Variants in SLC5A2 observed in about 807,000 individuals in gnomAD.
SLC5A2 encodes sodium/glucose cotransporter 2.
SLC5A2 carries 67 observed loss-of-function variants against 69.0 expected under a neutral mutation model. The ratio of observed to expected loss-of-function variants is 0.97; its 90% CI spans 0.80 to 1.19. The LOEUF (loss-of-function observed/expected upper bound fraction) is 1.19, where lower values mean the gene tolerates loss of function less well. Among genes scored for constraint, SLC5A2 ranks in the 50% most tolerant of loss-of-function variants. The pLI is 0.00. For missense variants in SLC5A2, 1,001 were observed against 921.5 expected (o/e 1.09, Z -1.12); for synonymous variants, 455 against 395.8 (o/e 1.15, Z -1.78).
At chr16:31,487,826 C>G (rs2082511040) in intron 7 of SLC5A2, 67 bp downstream of exon 7, 1 of 1,494,786 alleles carries the variant, frequency 6.7e-7, no homozygotes, top group Non-Finnish European at 9.0e-7. Context: ...GCCTGAGTCC[C>G]TCCCCGCCTT....
intron 12 of SLC5A2, 78 bp downstream of exon 12, chr16:31,489,416 G>A (rs527434416): frequency 2.2e-5 from 30 of 1,337,036 alleles, no homozygotes; most frequent in Non-Finnish European, 2.9e-5. Context: ...CCAGCTGGGA[G>A]GACCTGAATT....
rs141195383 is a variant in SLC5A2 at position 31,486,106 on chromosome 16, T to C, written c.469-64T>C. Reference sequence around the variant, plus strand: ...GCTTTGAGGCTAGTAGGGCATGGCCTGGGCAGGAGGTGGGCTGGGGACACT... The same window carrying C: ...GCTTTGAGGCTAGTAGGGCATGGCCCGGGCAGGAGGTGGGCTGGGGACACT... On this transcript the variant is annotated intron_variant, in intron 4 of 13. Coordinates refer to ENST00000330498, the MANE Select transcript of SLC5A2 (RefSeq NM_003041.4). 621 of 1,335,726 alleles carry C rather than the reference T, an allele frequency of 4.6e-4. 2 individuals are homozygous for C. In the African/African-American group the frequency reaches 8.2e-3, roughly 18 times the overall value. 82.7% of individuals were successfully genotyped at this position (1,335,726 alleles called of 1,614,324 possible).
chr16:31,488,269 G>T, intron 8 of SLC5A2, 96 bp downstream of exon 8: 8 of 1,606,352 alleles, frequency 5.0e-6, no homozygotes, highest in Non-Finnish European at 6.8e-6. Context: ...TGGGCCCGGA[G>T]TCCCGCCTCC....
Position 31,489,311 on chromosome 16 carries a change from G to A in SLC5A2, c.1638G>A (p.Leu546=). The change falls in exon 12 of 14, where the codon CTG becomes CTA. Residue 546 remains leucine, a synonymous_variant. Coordinates refer to ENST00000330498, the MANE Select transcript of SLC5A2 (RefSeq NM_003041.4). ...CSGLLTLTVS[L]CTAPIPRKHL... ...GCCTCCTCACCCTCACGGTCTCCCT[G>A]TGCACCGCGCCCATCCCCAGAAAGC... is the stretch of plus-strand genomic sequence containing the variant. 2 of 1,609,610 alleles carry A rather than the reference G, an allele frequency of 1.2e-6. No homozygotes were observed. Among genetic ancestry groups the A allele is most frequent in the Non-Finnish European group, 8.5e-7 (1 of 1,180,018 alleles).
intron 6 of SLC5A2, 22 bp downstream of exon 6, chr16:31,487,422 A>AG (rs2082505120): frequency 6.2e-7 from 1 of 1,612,132 alleles, no homozygotes; most frequent in African/African-American, 1.3e-5. Context: ...CCTACCAGGG[A>AG]GGGGCGCGGA....
At chr16:31,488,808 G>C (rs1339954418) in intron 10 of SLC5A2, 36 bp downstream of exon 10, 1 of 1,600,708 alleles carries the variant, frequency 6.2e-7, no homozygotes, top group African/African-American at 1.3e-5. Context: ...CAACGGATCA[G>C]CCCGGGGCGG....
At chr16:31,489,789 AG>A (rs2082544238) in intron 12 of SLC5A2, 3 of 456,996 alleles carry the variant, frequency 6.6e-6, no homozygotes, top group South Asian at 6.2e-5. Context: ...GGGAGCACAC[AG>A]GCACAGAACA....
At chr16:31,489,546 T>G (rs1256250545) in intron 12 of SLC5A2, 1 of 619,096 alleles carries the variant, frequency 1.6e-6, no homozygotes, top group Admixed American at 2.6e-5. Context: ...GTTGATGGGT[T>G]GGTGATTAAA....
chr16:31,489,623 A>G (rs2082541842), intron 12 of SLC5A2: 1 of 561,094 alleles, frequency 1.8e-6, no homozygotes, highest in South Asian at 2.1e-5. Flanking sequence ...TGGTGGGCAC[A>G]ATACCATCTT....
Position 31,488,946 on chromosome 16 carries a change from C to T in SLC5A2, c.1347C>T (p.Gly449=), listed in dbSNP as rs1178796669. 3.1e-6 allele frequency: 5 copies of T among 1,603,710 alleles called. No individual in the cohort carries two copies. The highest frequency in any genetic ancestry group is 2.5e-6 in the Non-Finnish European group (3 of 1,179,870). The stretch of plus-strand genomic sequence containing the variant: ...TTCCCGTGGTGCAGGCGGCACAGGG[C>T]GGGCAGCTCTTCGATTACATCCAGG... The part of the protein sequence containing the change: ...AWLPVVQAAQ[G]GQLFDYIQAV... The change falls in exon 11 of 14, where the codon GGC becomes GGT. Residue 449 remains glycine, a synonymous_variant. Coordinates refer to ENST00000330498, the MANE Select transcript of SLC5A2 (RefSeq NM_003041.4).
At chr16:31,483,396 T>TC (rs2082471230) in intron 1 of SLC5A2, 134 bp downstream of exon 1, 1 of 1,190,352 alleles carries the variant, frequency 8.4e-7, no homozygotes, top group Non-Finnish European at 1.2e-6. Context: ...GGCAAGCAGG[T>TC]CTTTGGAAGT....
chr16:31,489,012 C>G lies in SLC5A2; in HGVS notation c.1413C>G (p.Phe471Leu), dbSNP rs747891412. ...TGGCACCGCCCGTGTCCGCCGTCTT[C>G]GTGCTGGCGCTCTTCGTGCCGCGCG... ...SYLAPPVSAV[F>L]VLALFVPRVN... The change falls in exon 11 of 14, where the codon TTC (phenylalanine) becomes TTG (leucine). Residue 471 changes from phenylalanine to leucine, a missense_variant. Physicochemically the swap from Phe to Leu is conservative, Grantham distance 22 (BLOSUM62 0). Transcript: ENST00000330498. 2 of 1,600,444 alleles carry G rather than the reference C, an allele frequency of 1.2e-6. No homozygotes were observed. Among genetic ancestry groups the G allele is most frequent in the Admixed American group, 1.7e-5 (1 of 59,986 alleles).
intron 3 of SLC5A2, 55 bp downstream of exon 3, chr16:31,484,978 T>TCA (rs2082484623): frequency 1.3e-5 from 20 of 1,493,790 alleles, no homozygotes; most frequent in Non-Finnish European, 1.8e-5. Flanking sequence ...CCTGGAAGGG[T>TCA]CACACCTTGG....
chr16:31,483,485 T>G (rs908001129), intron 1 of SLC5A2, among the ~76,000 whole-genome samples: 13 of 152,182 alleles, frequency 8.5e-5, no homozygotes, highest in Non-Finnish European at 8.8e-5. Flanking sequence ...CCGCGGATTT[T>G]CATCAGGGTC....
chr16:31,483,951 GGTGGT>G (rs2082474732), intron 1 of SLC5A2, among the ~76,000 whole-genome samples: 1 of 152,012 alleles, frequency 6.6e-6, no homozygotes, highest in Non-Finnish European at 1.5e-5. Flanking sequence ...AGTCAGGCAT[GGTGGT>G]GTGTGTGCCT....
chr16:31,485,984 G>A, intron 4 of SLC5A2, 91 bp downstream of exon 4: 2 of 1,437,302 alleles, frequency 1.4e-6, no homozygotes, highest in Non-Finnish European at 2.0e-6. Context: ...AGACCTAGGA[G>A]AAACCACTGC....
Position 31,488,657 on chromosome 16 carries a change from G to A in SLC5A2, c.1165G>A (p.Ala389Thr). The A allele has an allele frequency of 1.2e-6, 2 of 1,612,312 alleles. No homozygotes were observed. Among genetic ancestry groups the A allele is most frequent in the Non-Finnish European group, 1.7e-6 (2 of 1,179,542 alleles). The change falls in exon 10 of 14, where the codon GCG becomes ACG. Residue 389 changes from alanine to threonine, a missense_variant. Coordinates refer to ENST00000330498, the MANE Select transcript of SLC5A2 (RefSeq NM_003041.4). Reference sequence around the variant, plus strand: ...ACTCATGCTGGCGGTCATGCTGGCCGCGCTCATGTCCTCGCTGGCCTCCAT... The same window carrying A: ...ACTCATGCTGGCGGTCATGCTGGCCACGCTCATGTCCTCGCTGGCCTCCAT... Reference protein sequence around the residue: ...RGLMLAVMLAALMSSLASIFN... With the variant: ...RGLMLAVMLATLMSSLASIFN...
At chr16:31,484,767 C>A (rs200474781) in intron 2 of SLC5A2, 23 bp downstream of exon 2, 1 of 1,610,834 alleles carries the variant, frequency 6.2e-7, no homozygotes, top group Non-Finnish European at 8.5e-7. Flanking sequence ...GGGCCGGGAA[C>A]GGGAGGGGCC....
chr16:31,490,133 T>G lies in SLC5A2; in HGVS notation c.1695T>G (p.His565Gln). The G allele has an allele frequency of 4.3e-6, 7 of 1,614,006 alleles. No homozygotes were observed. Among genetic ancestry groups the G allele is most frequent in the Non-Finnish European group, 5.9e-6 (7 of 1,180,008 alleles). The change falls in exon 13 of 14, where the codon CAT (histidine) becomes CAG (glutamine). Residue 565 changes from histidine to glutamine, a missense_variant. By Grantham distance (24) the His-to-Gln change is conservative. Transcript: ENST00000330498. ...HLHRLVFSLRHSKEEREDLDA... is the reference protein window; with the variant it reads ...HLHRLVFSLRQSKEEREDLDA... ...ACCGCCTGGTCTTCAGTCTCCGGCA[T>G]AGCAAGGAGGAACGGGAGGACCTGG...
Sources: allele counts gnomAD v4.1 joint callset (sites outside exome capture counted in the v4.1 genomes callset), GRCh38; gene constraint gnomAD v4.1.1; transcripts MANE v1.5; gene names NCBI Gene and HGNC (gene_info 2026-07-23, HGNC 2026-07-21).